Variants in PCNX1 observed in about 807,000 individuals in gnomAD.
PCNX1 encodes pecanex-like protein 1.
A neutral mutation model predicts 242.2 loss-of-function variants in PCNX1; 78 were observed. The ratio of observed to expected loss-of-function variants is 0.32; its 90% CI spans 0.27 to 0.39. The LOEUF (loss-of-function observed/expected upper bound fraction) is 0.39, where lower values mean the gene tolerates loss of function less well. PCNX1 is among the 10% of genes least tolerant of loss of function. The pLI, the probability that PCNX1 is intolerant of heterozygous loss-of-function variation, is 1.00. For synonymous variants in PCNX1, 1,024 were observed against 1,032.9 expected, an observed-to-expected ratio of 0.99 and a Z score of 0.17; for missense variants, 2,581 against 2,856.5, an observed-to-expected ratio of 0.90 and a Z score of 2.20.
At chr14:70,993,149 C>G (rs2059218648) in intron 7 of PCNX1, among the ~76,000 whole-genome samples, 1 of 145,774 alleles carries the variant, frequency 6.9e-6, no homozygotes, top group South Asian at 2.1e-4. Context: ...GAGACAGAGT[C>G]TTGCTCTGTT....
intron 1 of PCNX1, among the ~76,000 whole-genome samples, chr14:70,942,271 ACT>A (rs1173458345): frequency 6.6e-6 from 1 of 152,090 alleles, no homozygotes; most frequent in African/African-American, 2.4e-5. Context: ...AGAATTTTAA[ACT>A]CAACTCTTTA....
chr14:70,944,379 G>C (rs2057380714), intron 1 of PCNX1, among the ~76,000 whole-genome samples: 1 of 152,232 alleles, frequency 6.6e-6, no homozygotes, highest in South Asian at 2.1e-4. Flanking sequence ...AAATTTGACT[G>C]CCCTGCTGGA....
rs182064817 is a variant in PCNX1, at chr14:71,004,150, A to G, written c.2630-5484A>G. On this transcript the variant is annotated intron_variant, in intron 8 of 35. Transcript: ENST00000304743. The stretch of plus-strand genomic sequence containing the variant: ...TGTCTTATGCCTGCTTTCATGTTAC[A>G]GTTGTAGACTTGAATTGTTGCAACA... Among the ~76,000 whole-genome samples, 222 of 152,352 alleles carry G rather than the reference A, an allele frequency of 1.5e-3. 4 individuals carry two copies. Among genetic ancestry groups the G allele is most frequent in the East Asian group, 7.7e-4 (4 of 5,190 alleles).
intron 19 of PCNX1, among the ~76,000 whole-genome samples, chr14:71,039,459 G>C (rs1486344093): frequency 1.3e-5 from 2 of 152,120 alleles, no homozygotes; most frequent in African/African-American, 4.8e-5. Flanking sequence ...CTCACAAAAT[G>C]GCAGCTGGTT....
At chr14:70,971,618 G>C (rs1257562904) in intron 5 of PCNX1, among the ~76,000 whole-genome samples, 1 of 152,182 alleles carries the variant, frequency 6.6e-6, no homozygotes, top group East Asian at 1.9e-4. Context: ...AATCATACTG[G>C]TAGCAATCAA....
chr14:71,005,376 C>T lies in PCNX1; in HGVS notation c.2630-4258C>T, dbSNP rs191469185. On this transcript the variant is annotated intron_variant, in intron 8 of 35. Transcript: ENST00000304743. ...TTAAAAAGTAAGCCAGGCACTGTGG[C>T]GTGTGCCTGCAGCCCCAGCTACTCA... Among the ~76,000 whole-genome samples the T allele has an allele frequency of 7.5e-4, 114 of 152,124 alleles. 2 individuals are homozygous for T. In the Middle Eastern group the frequency reaches 0.024, roughly 32 times the overall value.
chr14:71,024,006 G>T (rs973754433), intron 13 of PCNX1, among the ~76,000 whole-genome samples: 2 of 152,032 alleles, frequency 1.3e-5, no homozygotes, highest in African/African-American at 4.8e-5. Context: ...TGGAAACATT[G>T]CTTTTCAACT....
rs2055618618 is a variant in PCNX1, at chr14:70,907,684, C to T, written c.-167C>T. 4 of 807,098 alleles carry T rather than the reference C, an allele frequency of 5.0e-6. No individual in the cohort carries two copies. The highest frequency in any genetic ancestry group is 1.8e-5 in the African/African-American group (1 of 54,934). 50.0% of individuals were successfully genotyped at this position (807,098 alleles called of 1,614,324 possible). A position where few individuals can be genotyped will look rare whatever the true frequency, so the allele number is the denominator to read the frequency against. ...TCCTCCTCCTCGTTTGCTGCCTCCT[C>T]CTCCTCCTGCAGCAGCACCAGCGAC... is the stretch of plus-strand genomic sequence containing the variant. On this transcript the variant is annotated 5_prime_UTR_variant, in exon 1 of 36. Transcript: ENST00000304743.
At chr14:70,935,219 G>A (rs567344940) in intron 1 of PCNX1, among the ~76,000 whole-genome samples, 6 of 152,226 alleles carry the variant, frequency 3.9e-5, no homozygotes, top group African/African-American at 1.2e-4. Flanking sequence ...TTTTTATTTT[G>A]TTCAAAGTCT....
intron 2 of PCNX1, among the ~76,000 whole-genome samples, chr14:70,952,637 A>C (rs2057832392): frequency 6.6e-6 from 1 of 152,108 alleles, no homozygotes; most frequent in South Asian, 2.1e-4. Flanking sequence ...TGATGTTTGT[A>C]GCTAGAGTTT....
intron 22 of PCNX1, among the ~76,000 whole-genome samples, chr14:71,048,515 A>G (rs1279126696): frequency 6.6e-6 from 1 of 152,172 alleles, no homozygotes; most frequent in Non-Finnish European, 1.5e-5. Context: ...CTGCCTCCTA[A>G]CCCAAGAATC....
At chr14:70,908,091 G>T in intron 1 of PCNX1, 88 bp downstream of exon 1, 1 of 1,296,954 alleles carries the variant, frequency 7.7e-7, no homozygotes, top group Non-Finnish European at 1.0e-6. Context: ...CTTCCACGGG[G>T]TCTCGTCCCC....
At chr14:71,065,848 C>T (rs2061432312) in intron 26 of PCNX1, among the ~76,000 whole-genome samples, 1 of 152,150 alleles carries the variant, frequency 6.6e-6, no homozygotes, top group Non-Finnish European at 1.5e-5. Flanking sequence ...CCAGTTTTCC[C>T]AACACCATTT....
intron 8 of PCNX1, among the ~76,000 whole-genome samples, chr14:71,005,518 A>AT (rs1555359756): frequency 6.8e-6 from 1 of 146,960 alleles, no homozygotes; most frequent in Admixed American, 6.8e-5. Flanking sequence ...AAAAAAAAAA[A>AT]GGGGGGGTGG....
In PCNX1 at chr14:70,946,895, T is replaced by G. The variant is rs774497625; in HGVS notation, c.154-20T>G. On this transcript the variant is annotated intron_variant, in intron 1 of 35. Transcript: ENST00000304743. ...ATAAAATATTTTAAAATGTATTTCC[T>G]TATTTTCTTTCTCTTAAAGGCCCTT... is the stretch of plus-strand genomic sequence containing the variant. The G allele has an allele frequency of 6.8e-7, 1 of 1,468,728 alleles. No individual in the cohort carries two copies. The highest frequency in any genetic ancestry group is 1.2e-5 in the South Asian group (1 of 86,936). 91.0% of individuals were successfully genotyped at this position (1,468,728 alleles called of 1,614,324 possible). A position where few individuals can be genotyped will look rare whatever the true frequency, so the allele number is the denominator to read the frequency against.
chr14:70,994,371 T>A (rs1941839068), intron 7 of PCNX1, among the ~76,000 whole-genome samples: 1 of 131,934 alleles, frequency 7.6e-6, no homozygotes, highest in African/African-American at 2.8e-5. Flanking sequence ...CAGAATATAT[T>A]CTATTATCAT....
chr14:71,031,781 A>G, intron 16 of PCNX1: 1 of 1,450,140 alleles, frequency 6.9e-7, no homozygotes, highest in Non-Finnish European at 9.7e-7. Flanking sequence ...GCCTCTTCCT[A>G]CCAGTGCAGG....
chr14:70,993,768 C>A (rs528061315), intron 7 of PCNX1, among the ~76,000 whole-genome samples: 2 of 152,084 alleles, frequency 1.3e-5, no homozygotes, highest in African/African-American at 2.4e-5. Context: ...GACACAGGGA[C>A]GTGGTACCTG....
chr14:70,975,996 A>G (rs1184273136), intron 5 of PCNX1, among the ~76,000 whole-genome samples: 1 of 152,022 alleles, frequency 6.6e-6, no homozygotes, highest in Non-Finnish European at 1.5e-5. Context: ...CAGCAAGAGG[A>G]TGTCTTACAT....
Sources: gnomAD v4.1 joint callset for allele counts (sites outside exome capture counted in the v4.1 genomes callset) on GRCh38, gnomAD v4.1.1 for gene constraint, MANE v1.5 for transcripts, NCBI Gene and HGNC (gene_info 2026-07-23, HGNC 2026-07-21) for gene names.